Variants in TMOD2 observed in about 807,000 individuals in gnomAD.
TMOD2 encodes tropomodulin-2.
Under a neutral mutation model 39.9 loss-of-function variants are expected in TMOD2, and 22 were observed. The ratio of observed to expected loss-of-function variants is 0.55; its 90% CI spans 0.39 to 0.79. TMOD2 has a LOEUF of 0.79. Ranked by LOEUF, TMOD2 falls within the 30% of genes least tolerant of loss-of-function variation. The probability of loss-of-function intolerance (pLI) is 0.00; values close to 1 mark genes in which losing one functional copy is unlikely to be tolerated. For synonymous variants in TMOD2, 123 were observed against 146.1 expected (o/e 0.84, Z 1.14); for missense variants, 386 against 413.3 (o/e 0.93, Z 0.57).
rs2056164006 is a variant in TMOD2, at chr15:51,812,743, G to C, written c.*4289G>C. The C allele has an allele frequency of 6.6e-6, 1 of 152,160 alleles. No homozygotes were observed. The highest frequency in any genetic ancestry group is 1.5e-5 in the Non-Finnish European group (1 of 68,022). The allele number at this position is 152,160 out of a possible 1,614,324, so 9.4% of individuals were successfully genotyped here. On this transcript the variant is annotated 3_prime_UTR_variant, in exon 10 of 10. Transcript: ENST00000249700. ...TTCAGTAGAAGTGTTTCTGGAGTCA[G>C]GTTTTAAGTCATGATCCTGAAGCTT...
intron 1 of TMOD2, among the ~76,000 whole-genome samples, chr15:51,761,078 T>C (rs1200395081): frequency 3.9e-5 from 6 of 152,270 alleles, no homozygotes; most frequent in Admixed American, 1.3e-4. Flanking sequence ...GAGGGAGCCA[T>C]TGTAAGTTCT....
At chr15:51,802,975 A>G (rs762313522) in intron 8 of TMOD2, among the ~76,000 whole-genome samples, 4 of 152,142 alleles carry the variant, frequency 2.6e-5, no homozygotes, top group African/African-American at 2.4e-5. Context: ...CATCCACTCC[A>G]TACTTAAATT....
intron 4 of TMOD2, among the ~76,000 whole-genome samples, chr15:51,774,326 AC>A (rs2055873363): frequency 6.6e-6 from 1 of 152,230 alleles, no homozygotes; most frequent in Non-Finnish European, 1.5e-5. Flanking sequence ...GTCAAAGAGT[AC>A]AAAAGAATGT....
intron 4 of TMOD2, 113 bp from the exon 5 acceptor site, chr15:51,776,819 C>T: frequency 5.9e-6 from 5 of 841,794 alleles, no homozygotes; most frequent in Non-Finnish European, 1.0e-5. Flanking sequence ...GGAAAGAGGA[C>T]TCAGGGACTT....
intron 8 of TMOD2, among the ~76,000 whole-genome samples, chr15:51,801,285 CCTGT>C (rs1224104018): frequency 1.5e-3 from 125 of 83,034 alleles, no homozygotes; most frequent in Middle Eastern, 6.2e-3. Flanking sequence ...ACACACACAC[CCTGT>C]CTCTCTCTCT....
intron 6 of TMOD2, among the ~76,000 whole-genome samples, chr15:51,781,799 A>G (rs1321845432): frequency 8.6e-6 from 1 of 116,848 alleles, no homozygotes; most frequent in Non-Finnish European, 1.8e-5. Flanking sequence ...AAAGGGAAAG[A>G]GTAGGAGAGA....
chr15:51,783,893 C>T (rs1404771937), intron 7 of TMOD2: 1 of 152,204 alleles, frequency 6.6e-6, no homozygotes, highest in Non-Finnish European at 1.5e-5. Flanking sequence ...CTTATACCAT[C>T]ACTATCATGA....
At chr15:51,766,352 G>A (rs2141617004) in intron 1 of TMOD2, 21 bp from the exon 2 acceptor site, 2 of 1,250,628 alleles carry the variant, frequency 1.6e-6, no homozygotes, top group South Asian at 3.1e-5. Flanking sequence ...CTTTTTTATT[G>A]TGTTTCTTTT....
chr15:51,780,778 A>G (rs1014686721), intron 5 of TMOD2, among the ~76,000 whole-genome samples: 6 of 152,100 alleles, frequency 3.9e-5, no homozygotes, highest in African/African-American at 1.4e-4. Context: ...TGAAAGTTGG[A>G]GTTTGCTGCA....
chr15:51,802,419 A>G (rs868621618), intron 8 of TMOD2, among the ~76,000 whole-genome samples: 6 of 152,240 alleles, frequency 3.9e-5, no homozygotes, highest in Non-Finnish European at 8.8e-5. Context: ...GAACATTCAA[A>G]TCAAGGATGA....
At chr15:51,778,267 A>G (rs968629559) in intron 5 of TMOD2, among the ~76,000 whole-genome samples, 16 of 145,528 alleles carry the variant, frequency 1.1e-4, no homozygotes, top group Non-Finnish European at 2.4e-4. Context: ...CTTCTCACTC[A>G]TAGATGGGAA....
chr15:51,770,896 G>A (rs2055849554), intron 3 of TMOD2, among the ~76,000 whole-genome samples: 1 of 152,170 alleles, frequency 6.6e-6, no homozygotes, highest in Non-Finnish European at 1.5e-5. Flanking sequence ...TGTTTCTATA[G>A]CAACATAGTT....
At chr15:51,765,768 A>G (rs1359829803) in intron 1 of TMOD2, among the ~76,000 whole-genome samples, 2 of 152,222 alleles carry the variant, frequency 1.3e-5, no homozygotes, top group East Asian at 3.8e-4. Flanking sequence ...AAGCAAGGAG[A>G]AAAATAGAGA....
intron 6 of TMOD2, among the ~76,000 whole-genome samples, chr15:51,782,222 TATC>T (rs2055935643): frequency 6.6e-6 from 1 of 152,150 alleles, no homozygotes; most frequent in African/African-American, 2.4e-5. Context: ...AGCCACCAAA[TATC>T]ATTGAATTGC....
intron 4 of TMOD2, among the ~76,000 whole-genome samples, chr15:51,776,375 G>A (rs1770851740): frequency 3.3e-5 from 5 of 152,184 alleles, no homozygotes; most frequent in Non-Finnish European, 5.9e-5. Flanking sequence ...GCCTCCTGGT[G>A]CAAGTTCTGT....
At chr15:51,752,729 A>T (rs1212605069) in intron 1 of TMOD2, 1 of 152,258 alleles carries the variant, frequency 6.6e-6, no homozygotes, top group Non-Finnish European at 1.5e-5. Flanking sequence ...TCTGTTTAAC[A>T]GCACTACAAA....
At chr15:51,754,054 G>C (rs773538294) in intron 1 of TMOD2, among the ~76,000 whole-genome samples, 20 of 152,078 alleles carry the variant, frequency 1.3e-4, no homozygotes, top group Non-Finnish European at 2.5e-4. Flanking sequence ...GTGTGAGTGG[G>C]GGGGACGGGG....
intron 2 of TMOD2, 149 bp from the exon 3 acceptor site, chr15:51,768,113 C>G (rs544338214): frequency 6.8e-5 from 59 of 863,980 alleles, no homozygotes; most frequent in Non-Finnish European, 1.0e-4. Flanking sequence ...CAGAGGCGTC[C>G]CAGAGCCCCC....
intron 4 of TMOD2, among the ~76,000 whole-genome samples, chr15:51,774,492 T>G (rs914150873): frequency 1.3e-5 from 2 of 152,176 alleles, no homozygotes; most frequent in African/African-American, 4.8e-5. Flanking sequence ...AGGATAGAGG[T>G]GCTTTAAAAA....
Sources: gnomAD v4.1 joint callset for allele counts (sites outside exome capture counted in the v4.1 genomes callset) on GRCh38, gnomAD v4.1.1 for gene constraint, MANE v1.5 for transcripts, NCBI Gene and HGNC (gene_info 2026-07-23, HGNC 2026-07-21) for gene names.